SEPTIN7: variants seen among roughly 807,000 people sequenced by gnomAD.
The protein encoded by SEPTIN7 is septin-7.
In SEPTIN7, 10 loss-of-function variants were observed where a neutral mutation model predicts 63.3. That is an observed-to-expected ratio of 0.16 (90% CI 0.10 to 0.27). The LOEUF (loss-of-function observed/expected upper bound fraction) is 0.27. SEPTIN7 is among the 10% of genes least tolerant of loss of function. The probability of loss-of-function intolerance (pLI) is 1.00; values close to 1 mark genes in which losing one functional copy is unlikely to be tolerated. For synonymous variants in SEPTIN7, 131 were observed against 165.3 expected (o/e 0.79, Z 1.59); for missense variants, 310 against 521.0 (o/e 0.59, Z 3.94).
chr7:35,849,385 C>G (rs1389005787), intron 3 of SEPTIN7, among the ~76,000 whole-genome samples: 1 of 152,056 alleles, frequency 6.6e-6, no homozygotes, highest in East Asian at 1.9e-4. Context: ...AGGACGCAAC[C>G]TAGATCCCTC....
At position 35,872,668 on chromosome 7, in the gene SEPTIN7, G is replaced by A. The variant is rs780546766; in HGVS notation, c.279G>A (p.Val93=). ...PSHRIKKTVQ[V]EQSKVLIKEG... is the part of the protein sequence containing the mutation. ...ATCTGCACCAATTACTCTTACAGGT[G>A]GAACAATCCAAAGTTTTAATCAAAG... Residue 93 remains valine (V), a splice_region_variant and synonymous_variant, in exon 5 of 14, where the codon GTG becomes GTA. Coordinates refer to ENST00000350320, the MANE Select transcript of SEPTIN7 (RefSeq NM_001788.6). 1.9e-6 allele frequency: 3 copies of A among 1,608,926 alleles called. No homozygotes were observed. The Admixed American group carries it at 5.0e-5, about 27-fold the overall frequency.
At chr7:35,870,936 GATA>G (rs1786108485) in intron 4 of SEPTIN7, among the ~76,000 whole-genome samples, 1 of 151,872 alleles carries the variant, frequency 6.6e-6, no homozygotes, top group South Asian at 2.1e-4. Flanking sequence ...AGGGTAACCT[GATA>G]ATAGACATGT....
At position 35,872,544 on chromosome 7, in the gene SEPTIN7, A is replaced by G. The variant is rs1583598049; in HGVS notation, c.277-122A>G. 3 of 700,438 alleles carry G rather than the reference A, an allele frequency of 4.3e-6. No homozygotes were observed. In the East Asian group the frequency reaches 7.6e-5, roughly 18 times the overall value. The allele number at this position is 700,438 out of a possible 1,614,324, so 43.4% of individuals were successfully genotyped here. Reference sequence around the variant, plus strand: ...CTAAAGGTAATGTGGTAGTAGGTAGATTTAGTTTGCTAACAGTTTCCCAGT... The same window carrying G: ...CTAAAGGTAATGTGGTAGTAGGTAGGTTTAGTTTGCTAACAGTTTCCCAGT... On this transcript the variant is annotated intron_variant, in intron 4 of 13. Transcript: ENST00000350320.
At chr7:35,840,755 C>A (rs2115968893) in intron 3 of SEPTIN7, among the ~76,000 whole-genome samples, 1 of 151,856 alleles carries the variant, frequency 6.6e-6, no homozygotes, top group Middle Eastern at 3.4e-3. Flanking sequence ...CATGAATACA[C>A]TATAATAGTA....
At chr7:35,844,299 A>G (rs1036058871) in intron 3 of SEPTIN7, among the ~76,000 whole-genome samples, 14 of 152,200 alleles carry the variant, frequency 9.2e-5, no homozygotes, top group Non-Finnish European at 1.6e-4. Flanking sequence ...TATTAGTCTG[A>G]TAGGATCGAT....
chr7:35,882,011 A>G (rs553951639), intron 7 of SEPTIN7, among the ~76,000 whole-genome samples: 2 of 152,110 alleles, frequency 1.3e-5, no homozygotes, highest in Non-Finnish European at 2.9e-5. Context: ...ATGAATGTTC[A>G]GGGAGCAGTG....
chr7:35,885,408 A>G (rs1249606806), intron 9 of SEPTIN7, among the ~76,000 whole-genome samples: 1 of 152,182 alleles, frequency 6.6e-6, no homozygotes, highest in African/African-American at 2.4e-5. Flanking sequence ...TTTAAAAATA[A>G]AAGTAAAGAA....
intron 12 of SEPTIN7, chr7:35,899,534 C>T (rs2116378885): frequency 6.6e-6 from 1 of 152,004 alleles, no homozygotes; most frequent in South Asian, 2.1e-4. Flanking sequence ...GACTTTGCCT[C>T]AAAAAACAAA....
intron 3 of SEPTIN7, 24 bp from the exon 4 acceptor site, chr7:35,863,528 G>A: frequency 7.0e-7 from 1 of 1,431,924 alleles, no homozygotes; most frequent in Non-Finnish European, 9.7e-7. Flanking sequence ...GAGTTTAACA[G>A]ATATTTTCCC....
intron 1 of SEPTIN7, among the ~76,000 whole-genome samples, chr7:35,816,743 T>C (rs1483885146): frequency 6.6e-6 from 1 of 152,200 alleles, no homozygotes; most frequent in Non-Finnish European, 1.5e-5. Flanking sequence ...ATACTTGTTA[T>C]TGCCTGTGTT....
At chr7:35,861,671 G>A (rs1785518496) in intron 3 of SEPTIN7, among the ~76,000 whole-genome samples, 1 of 152,074 alleles carries the variant, frequency 6.6e-6, no homozygotes, top group Admixed American at 6.5e-5. Context: ...CATCTATTGT[G>A]TCCCCTTGCA....
intron 1 of SEPTIN7, among the ~76,000 whole-genome samples, chr7:35,817,158 A>G (rs1352603276): frequency 2.0e-5 from 3 of 151,906 alleles, no homozygotes; most frequent in African/African-American, 4.8e-5. Context: ...ATATACCCCT[A>G]TGTTTTCTAA....
chr7:35,899,889 T>C (rs1166170969), intron 12 of SEPTIN7: 1 of 152,036 alleles, frequency 6.6e-6, no homozygotes, highest in African/African-American at 2.4e-5. Flanking sequence ...GTCTCAAAAT[T>C]ATATACATAT....
At chr7:35,889,208 G>C (rs1306914936) in intron 10 of SEPTIN7, among the ~76,000 whole-genome samples, 2 of 152,210 alleles carry the variant, frequency 1.3e-5, no homozygotes, top group African/African-American at 2.4e-5. Context: ...AAATTAGCAT[G>C]AACTGTTCAG....
chr7:35,900,036 T>C (rs866700590), intron 12 of SEPTIN7: 10 of 152,218 alleles, frequency 6.6e-5, no homozygotes, highest in Middle Eastern at 3.2e-3. Flanking sequence ...TCTCTCGTTA[T>C]ATTCTTACAG....
chr7:35,839,151 A>C (rs1163603682), intron 3 of SEPTIN7, among the ~76,000 whole-genome samples: 1 of 152,224 alleles, frequency 6.6e-6, no homozygotes, highest in Non-Finnish European at 1.5e-5. Context: ...TGGAGTCATC[A>C]AGGAGGACCT....
At chr7:35,907,716 AT>A (rs1788657034), downstream of SEPTIN7, among the ~76,000 whole-genome samples, 1 of 152,188 alleles carries the variant, frequency 6.6e-6, no homozygotes, top group African/African-American at 2.4e-5. Context: ...ATGCTCCCTG[AT>A]TAAGAGGGGC....
chr7:35,806,897 CA>C (rs1355505564), intron 1 of SEPTIN7, among the ~76,000 whole-genome samples: 3 of 152,162 alleles, frequency 2.0e-5, no homozygotes, highest in African/African-American at 4.8e-5. Context: ...TAGTGTTTCA[CA>C]CTTTGATAAA....
At chr7:35,881,767 G>A (rs959339631) in intron 7 of SEPTIN7, among the ~76,000 whole-genome samples, 17 of 151,790 alleles carry the variant, frequency 1.1e-4, no homozygotes, top group African/African-American at 4.1e-4. Context: ...AAAATTATTT[G>A]GATGTCTGTA....
Sources: gnomAD v4.1 joint callset for allele counts (sites outside exome capture counted in the v4.1 genomes callset) on GRCh38, gnomAD v4.1.1 for gene constraint, MANE v1.5 for transcripts, NCBI Gene and HGNC (gene_info 2026-07-23, HGNC 2026-07-21) for gene names.